RBMS1: variants seen among roughly 807,000 people sequenced by gnomAD.
RBMS1 encodes RNA-binding motif, single-stranded-interacting protein 1.
A neutral mutation model predicts 62.3 loss-of-function variants in RBMS1; 17 were observed. That is an observed-to-expected ratio of 0.27 (90% CI 0.19 to 0.41). RBMS1 has a LOEUF of 0.41. Ranked by LOEUF, RBMS1 falls within the 10% of genes least tolerant of loss-of-function variation. The pLI is 1.00. For missense variants in RBMS1, 334 were observed against 504.5 expected (o/e 0.66, Z 3.24); for synonymous variants, 172 against 170.0 (o/e 1.01, Z -0.09).
intron 1 of RBMS1, among the ~76,000 whole-genome samples, chr2:160,475,812 C>T (rs1052090404): frequency 6.6e-6 from 1 of 151,290 alleles, no homozygotes; most frequent in Admixed American, 6.6e-5. Context: ...ATGCCCCATC[C>T]ATATGTTATT....
intron 1 of RBMS1, among the ~76,000 whole-genome samples, chr2:160,371,879 C>G (rs1693742984): frequency 6.6e-6 from 1 of 152,184 alleles, no homozygotes; most frequent in Non-Finnish European, 1.5e-5. Context: ...GGATCAACAA[C>G]AGGCACAGGG....
intron 1 of RBMS1, among the ~76,000 whole-genome samples, chr2:160,372,769 C>G (rs1464829655): frequency 1.3e-5 from 2 of 152,034 alleles, no homozygotes; most frequent in Non-Finnish European, 2.9e-5. Flanking sequence ...GCACAGGGAA[C>G]TGGAAAAACA....
In RBMS1 at chr2:160,435,528, T is replaced by A. The variant is rs143335110; in HGVS notation, c.75+57761A>T. On this transcript the variant is annotated intron_variant, in intron 1 of 13. Coordinates refer to ENST00000348849, the MANE Select transcript of RBMS1 (RefSeq NM_016836.4). ...TATAGTATATTTTACTGTTTAATAG[T>A]TGGAATGCAATAGGAATGGCAGATT... Among the ~76,000 whole-genome samples, 14 of 152,350 alleles carry A rather than the reference T, an allele frequency of 9.2e-5. No individual in the cohort carries two copies. In the East Asian group the frequency reaches 1.9e-3, roughly 21 times the overall value.
At chr2:160,401,434 T>A (rs1695419485) in intron 1 of RBMS1, among the ~76,000 whole-genome samples, 1 of 152,188 alleles carries the variant, frequency 6.6e-6, no homozygotes, top group Non-Finnish European at 1.5e-5. Context: ...TTTCACCTTA[T>A]CCTAATTCCA....
At chr2:160,421,645 T>C (rs918150494) in intron 1 of RBMS1, among the ~76,000 whole-genome samples, 1 of 152,214 alleles carries the variant, frequency 6.6e-6, no homozygotes, top group Non-Finnish European at 1.5e-5. Context: ...TGATTTATAA[T>C]CCTTTGGGTA....
intron 2 of RBMS1, among the ~76,000 whole-genome samples, chr2:160,339,807 C>A (rs897386059): frequency 2.2e-4 from 34 of 152,110 alleles, no homozygotes; most frequent in African/African-American, 8.2e-4. Context: ...AAACACACAG[C>A]AACATGTTTT....
At chr2:160,399,069 T>G (rs1695305076) in intron 1 of RBMS1, among the ~76,000 whole-genome samples, 1 of 152,202 alleles carries the variant, frequency 6.6e-6, no homozygotes, top group South Asian at 2.1e-4. Context: ...TACCCACTAC[T>G]TCCCTGATAA....
Position 160,281,330 on chromosome 2 carries a change from T to C in RBMS1, c.935A>G (p.Tyr312Cys), listed in dbSNP as rs762291975. Residue 312 changes from tyrosine to cysteine, a missense_variant, in exon 10 of 14, where the codon TAT becomes TGT. Physicochemically the swap from Tyr to Cys is radical, Grantham distance 194. Coordinates refer to ENST00000348849, the MANE Select transcript of RBMS1 (RefSeq NM_016836.4). ...AAAACTTACAGGGTGCTGTAGAATA[T>C]ATGGTTGAGGTTGCATCCACGAAGG... ...QSPSWMQPQP[Y>C]ILQHPGAVLT... 30 of 1,608,964 alleles carry C rather than the reference T, an allele frequency of 1.9e-5. No individual in the cohort carries two copies. The South Asian group carries it at 3.1e-4, about 17-fold the overall frequency.
At chr2:160,333,251 T>G (rs1487818886) in intron 2 of RBMS1, among the ~76,000 whole-genome samples, 1 of 152,196 alleles carries the variant, frequency 6.6e-6, no homozygotes, top group Non-Finnish European at 1.5e-5. Flanking sequence ...ATAAATCATC[T>G]ATATTGTGAT....
At chr2:160,313,995 C>G (rs1690074356) in intron 3 of RBMS1, among the ~76,000 whole-genome samples, 1 of 152,130 alleles carries the variant, frequency 6.6e-6, no homozygotes, top group South Asian at 2.1e-4. Flanking sequence ...TTTTAATGAG[C>G]TGGTCATCTG....
intron 1 of RBMS1, among the ~76,000 whole-genome samples, chr2:160,451,556 A>G (rs944562744): frequency 6.6e-6 from 1 of 152,190 alleles, no homozygotes. Context: ...CTTAAACCCA[A>G]TGCACCAGAC....
chr2:160,435,680 G>A (rs1683079918), intron 1 of RBMS1, among the ~76,000 whole-genome samples: 1 of 152,114 alleles, frequency 6.6e-6, no homozygotes, highest in African/African-American at 2.4e-5. Flanking sequence ...TATGAGAAAA[G>A]AAACCTATAC....
chr2:160,381,592 G>A (rs1413467540), intron 1 of RBMS1, among the ~76,000 whole-genome samples: 2 of 152,170 alleles, frequency 1.3e-5, no homozygotes, highest in Non-Finnish European at 2.9e-5. Context: ...AAGATCAGTC[G>A]ACAACCTCTT....
In RBMS1 at chr2:160,287,032, T is replaced by C. The variant is rs776744365; in HGVS notation, c.693A>G (p.Arg231=). ...CKFADGGQKK[R]QNPNKYIPNG... Reference sequence around the variant, plus strand: ...TAGGGATGTATTTGTTTGGGTTCTGTCTCTTTTTCTGTCCTCCATCAGCAA... The same window carrying C: ...TAGGGATGTATTTGTTTGGGTTCTGCCTCTTTTTCTGTCCTCCATCAGCAA... The change falls in exon 7 of 14, where the codon AGA becomes AGG. Residue 231 remains arginine, a synonymous_variant. Coordinates refer to ENST00000348849, the MANE Select transcript of RBMS1 (RefSeq NM_016836.4). 6.2e-7 allele frequency: 1 copy of C among 1,613,890 alleles called. No individual in the cohort carries two copies. The highest frequency in any genetic ancestry group is 1.7e-5 in the Admixed American group (1 of 60,000).
intron 1 of RBMS1, among the ~76,000 whole-genome samples, chr2:160,450,564 G>GAAAAAAAAAAAAAAA (rs1181640365): frequency 3.5e-5 from 2 of 56,578 alleles, no homozygotes; most frequent in Admixed American, 1.8e-4. Context: ...AATAAAAAAT[G>GAAAAAAAAAAAAAAA]AAAAAAAAAA....
At chr2:160,349,161 A>C (rs1466591208) in intron 2 of RBMS1, among the ~76,000 whole-genome samples, 1 of 152,140 alleles carries the variant, frequency 6.6e-6, no homozygotes, top group African/African-American at 2.4e-5. Flanking sequence ...AGTAGGAAAG[A>C]GTATTCTCAT....
At chr2:160,282,032 T>A (rs1688128087) in intron 9 of RBMS1, 1 of 335,706 alleles carries the variant, frequency 3.0e-6, no homozygotes, top group African/African-American at 2.2e-5. Context: ...AGTCAGGTTT[T>A]GTGGCAGGAA....
chr2:160,403,520 C>A (rs188828705), intron 1 of RBMS1, among the ~76,000 whole-genome samples: 1 of 152,300 alleles, frequency 6.6e-6, no homozygotes, highest in East Asian at 1.9e-4. Context: ...GAATTCCTCA[C>A]GTGCAGCTAC....
chr2:160,328,676 C>G (rs1012683736), intron 2 of RBMS1, among the ~76,000 whole-genome samples: 2 of 152,084 alleles, frequency 1.3e-5, no homozygotes, highest in Non-Finnish European at 2.9e-5. Context: ...CCCAACACCA[C>G]GGAAACAAAA....
Sources: gnomAD v4.1 joint callset for allele counts (sites outside exome capture counted in the v4.1 genomes callset) on GRCh38, gnomAD v4.1.1 for gene constraint, MANE v1.5 for transcripts, NCBI Gene and HGNC (gene_info 2026-07-23, HGNC 2026-07-21) for gene names.